OGDH: variants seen among roughly 807,000 people sequenced by gnomAD.
The protein encoded by OGDH is 2-oxoglutarate dehydrogenase complex component E1.
A neutral mutation model predicts 116.6 loss-of-function variants in OGDH; 38 were observed. The ratio of observed to expected loss-of-function variants is 0.33; its 90% CI spans 0.25 to 0.43. OGDH has a LOEUF of 0.43. Ranked by LOEUF, OGDH falls within the 20% of genes least tolerant of loss-of-function variation. The probability of loss-of-function intolerance (pLI) is 1.00; values close to 1 mark genes in which losing one functional copy is unlikely to be tolerated. For synonymous variants in OGDH, 488 were observed against 533.3 expected, an observed-to-expected ratio of 0.92 and a Z score of 1.17; for missense variants, 825 against 1,357.2, an observed-to-expected ratio of 0.61 and a Z score of 6.16.
chr7:44,642,295 G>A (rs760438921), intron 2 of OGDH, among the ~76,000 whole-genome samples: 5 of 152,090 alleles, frequency 3.3e-5, no homozygotes, highest in Admixed American at 2.0e-4. Flanking sequence ...GTGGTGGTGC[G>A]TGCCTGTGGT....
intron 1 of OGDH, among the ~76,000 whole-genome samples, chr7:44,610,416 G>C (rs903291404): frequency 2.7e-5 from 4 of 150,618 alleles, no homozygotes; most frequent in African/African-American, 9.8e-5. Context: ...CGATTCTTCC[G>C]CCTCAGCCTC....
At chr7:44,646,839 T>C (rs1786206672) in intron 3 of OGDH, among the ~76,000 whole-genome samples, 1 of 152,192 alleles carries the variant, frequency 6.6e-6, no homozygotes, top group African/African-American at 2.4e-5. Flanking sequence ...CTCACGGGGA[T>C]ATATAATAAA....
At position 44,624,351 on chromosome 7, in the gene OGDH, A is replaced by G. The variant is rs756556341; in HGVS notation, c.8A>G (p.His3Arg). MF[H>R]LRTCAAKLRP... ...AAAAACTTCAGGACAAAAATGTTTC[A>G]TTTAAGGACTTGTGCTGCTAAGTTG... Residue 3 changes from histidine to arginine, a missense_variant, in exon 2 of 23, where the codon CAT (histidine) becomes CGT (arginine). This residue lies in a region of OGDH where 126 missense variants were observed against 130.4 expected (regional missense o/e 0.97). Transcript: ENST00000222673. The G allele has an allele frequency of 7.7e-5, 113 of 1,461,478 alleles. No homozygotes were observed. The highest frequency in any genetic ancestry group is 9.8e-5 in the Non-Finnish European group (108 of 1,098,108). The allele number at this position is 1,461,478 out of a possible 1,614,324, so 90.5% of individuals were successfully genotyped here. A position where few individuals can be genotyped will look rare whatever the true frequency, so the allele number is the denominator to read the frequency against.
In OGDH at chr7:44,696,411, T is replaced by C. The variant is rs754894006; in HGVS notation, c.1772-18T>C. The C allele has an allele frequency of 1.9e-6, 3 of 1,607,994 alleles. 1 individual carries two copies. In the South Asian group the frequency reaches 3.3e-5, roughly 18 times the overall value. Reference sequence around the variant, plus strand: ...AAGTAGAGCAGATGTCATGCCTCAGTTGTTCTTCTTCTCCTAGGCTTCTTC... The same window carrying C: ...AAGTAGAGCAGATGTCATGCCTCAGCTGTTCTTCTTCTCCTAGGCTTCTTC... On this transcript the variant is annotated intron_variant, in intron 13 of 22. Coordinates refer to ENST00000222673, the MANE Select transcript of OGDH (RefSeq NM_002541.4).
At chr7:44,638,958 T>C (rs1026694136) in intron 2 of OGDH, among the ~76,000 whole-genome samples, 3 of 152,144 alleles carry the variant, frequency 2.0e-5, no homozygotes, top group Non-Finnish European at 4.4e-5. Context: ...CAGGTTGAGA[T>C]GAGTGTACAG....
At chr7:44,689,568 C>G (rs1365272290) in intron 10 of OGDH, among the ~76,000 whole-genome samples, 1 of 151,690 alleles carries the variant, frequency 6.6e-6, no homozygotes, top group African/African-American at 2.4e-5. Flanking sequence ...ATGTCCTCAC[C>G]AACTCTTGTT....
intron 10 of OGDH, among the ~76,000 whole-genome samples, chr7:44,684,765 C>A (rs1057226725): frequency 6.6e-6 from 1 of 151,916 alleles, no homozygotes; most frequent in Non-Finnish European, 1.5e-5. Context: ...CTAAAAAAAA[C>A]CAACCTCACT....
intron 2 of OGDH, among the ~76,000 whole-genome samples, chr7:44,634,447 TATC>T (rs1489094464): frequency 6.6e-5 from 10 of 152,208 alleles, no homozygotes; most frequent in African/African-American, 2.4e-4. Context: ...TCCCAGCAAA[TATC>T]ATTCTGATAT....
At chr7:44,615,902 T>A (rs1273083937) in intron 1 of OGDH, among the ~76,000 whole-genome samples, 1 of 152,066 alleles carries the variant, frequency 6.6e-6, no homozygotes, top group African/African-American at 2.4e-5. Flanking sequence ...GATGTGCGCC[T>A]GTAGTAGTCT....
At chr7:44,635,359 G>T (rs567172871) in intron 2 of OGDH, among the ~76,000 whole-genome samples, 2 of 152,200 alleles carry the variant, frequency 1.3e-5, no homozygotes, top group Non-Finnish European at 2.9e-5. Flanking sequence ...ATAGTGCTGG[G>T]CCTCATCAAC....
Position 44,696,933 on chromosome 7 carries a change from G to A in OGDH, c.1920G>A (p.Lys640=). The change falls in exon 15 of 23, where the codon AAG becomes AAA. Residue 640 remains lysine, a synonymous_variant. Coordinates refer to ENST00000222673, the MANE Select transcript of OGDH (RefSeq NM_002541.4). ...TIHGGLSRIL[K]TRGEMVKNRT... ...CTGCAGGGCTGAGCCGGATCTTGAA[G>A]ACTCGTGGGGAAATGGTGAAGAACC... The A allele has an allele frequency of 6.2e-7, 1 of 1,612,884 alleles. No homozygotes were observed. Among genetic ancestry groups the A allele is most frequent in the Non-Finnish European group, 8.5e-7 (1 of 1,179,200 alleles).
chr7:44,706,371 G>T (rs534383188), intron 20 of OGDH, among the ~76,000 whole-genome samples: 9 of 150,962 alleles, frequency 6.0e-5, no homozygotes, highest in Non-Finnish European at 1.0e-4. Context: ...GCCCAGGCTG[G>T]AGTGCAATGG....
At chr7:44,648,554 A>C (rs930010787) in intron 4 of OGDH, among the ~76,000 whole-genome samples, 2 of 152,190 alleles carry the variant, frequency 1.3e-5, no homozygotes, top group Admixed American at 6.5e-5. Flanking sequence ...GACACTGTGC[A>C]TGCTGATGAA....
intron 1 of OGDH, among the ~76,000 whole-genome samples, chr7:44,615,978 G>A (rs1029829714): frequency 4.7e-5 from 7 of 149,826 alleles, no homozygotes; most frequent in African/African-American, 1.7e-4. Flanking sequence ...GCAGTGAGCC[G>A]AGATCACACC....
chr7:44,707,445 C>T lies in OGDH; in HGVS notation c.2796+57C>T. The T allele has an allele frequency of 6.2e-7, 1 of 1,605,198 alleles. No homozygotes were observed. ...CCCAGCGGGGGTCAGGGCTCTGGTG[C>T]CTTCACAGAACAGCCTTGCTTGGGG... On this transcript the variant is annotated intron_variant, in intron 21 of 22. Coordinates refer to ENST00000222673, the MANE Select transcript of OGDH (RefSeq NM_002541.4). The surrounding 1 kb of genome is among the most constrained non-coding windows in gnomAD (Gnocchi z 5.2).
chr7:44,666,507 G>A, intron 4 of OGDH: 1 of 298,794 alleles, frequency 3.3e-6, no homozygotes, highest in East Asian at 5.5e-5. Context: ...ATTTTATTGT[G>A]ACTTACCTGT....
At chr7:44,680,539 T>TAC (rs56718274) in intron 9 of OGDH, among the ~76,000 whole-genome samples, 5,729 of 145,860 alleles carry the variant, frequency 0.039, 124 homozygotes, top group African/African-American at 0.072. Context: ...TTTTATTGCA[T>TAC]ACACACACAC....
intron 1 of OGDH, 67 bp from the exon 2 acceptor site, chr7:44,624,250 C>A (rs1184476296): frequency 6.5e-6 from 7 of 1,073,960 alleles, no homozygotes; most frequent in Non-Finnish European, 2.7e-6. Flanking sequence ...GATCTAGTAG[C>A]CTTGTCTCCT....
chr7:44,629,788 C>G (rs1785358450), intron 2 of OGDH, among the ~76,000 whole-genome samples: 2 of 152,092 alleles, frequency 1.3e-5, no homozygotes, highest in Non-Finnish European at 2.9e-5. Flanking sequence ...CCATGTTGGC[C>G]AGGCTGGTCT....
Sources: gnomAD v4.1 joint callset for allele counts (sites outside exome capture counted in the v4.1 genomes callset) on GRCh38, gnomAD v4.1.1 for gene constraint, gnomAD v4.1.1 regional missense constraint, Gnocchi (gnomAD v3.1) non-coding constraint, MANE v1.5 for transcripts, NCBI Gene and HGNC (gene_info 2026-07-23, HGNC 2026-07-21) for gene names.